Variants in ARHGEF10 observed in about 807,000 individuals in gnomAD.
ARHGEF10 encodes Rho guanine nucleotide exchange factor (GEF) 10.
In ARHGEF10, 140 loss-of-function variants were observed where a neutral mutation model predicts 147.4. The observed-to-expected ratio is 0.95, with a 90% CI of 0.83 to 1.09. The LOEUF is 1.09. Among genes scored for constraint, ARHGEF10 ranks in the 50% least tolerant of loss-of-function variants. ARHGEF10 has a pLI of 0.00. For missense variants in ARHGEF10, 2,222 were observed against 1,752.7 expected (o/e 1.27, Z -4.78); for synonymous variants, 902 against 695.8 (o/e 1.30, Z -4.67).
At chr8:1,843,060 G>C (rs1336592400) in intron 1 of ARHGEF10, among the ~76,000 whole-genome samples, 1 of 152,240 alleles carries the variant, frequency 6.6e-6, no homozygotes, top group Non-Finnish European at 1.5e-5. Flanking sequence ...GTTAAAGCCA[G>C]TGTCATTTTG....
chr8:1,870,226 G>C (rs982735998), intron 7 of ARHGEF10: 23 of 125,084 alleles, frequency 1.8e-4, no homozygotes, highest in Admixed American at 3.4e-4. Flanking sequence ...GGAGGATCTT[G>C]TTACCGATTT....
intron 1 of ARHGEF10, among the ~76,000 whole-genome samples, chr8:1,837,141 A>G (rs1803631969): frequency 6.6e-6 from 1 of 152,262 alleles, no homozygotes; most frequent in Non-Finnish European, 1.5e-5. Context: ...TTTGGAGTTT[A>G]CAGTCTGCCT....
At position 1,866,577 on chromosome 8, in the gene ARHGEF10, C is replaced by A. The variant is rs546927671; in HGVS notation, c.597C>A (p.Asp199Glu). The A allele has an allele frequency of 9.3e-6, 15 of 1,607,594 alleles. No individual in the cohort carries two copies. In the South Asian group the frequency reaches 1.3e-4, roughly 14 times the overall value. The part of the protein sequence containing the change: ...EDSALARWAA[D>E]PANTAWMENP... Reference sequence around the variant, plus strand: ...GCGCACTTGCCCGCTGGGCCGCAGACCCGGCCAACACAGCCTGGATGGAGA... The same window carrying A: ...GCGCACTTGCCCGCTGGGCCGCAGAACCGGCCAACACAGCCTGGATGGAGA... The change falls in exon 6 of 29, where the codon GAC becomes GAA. Residue 199 changes from aspartate to glutamate, a missense_variant. Coordinates refer to ENST00000349830, the MANE Select transcript of ARHGEF10 (RefSeq NM_014629.4).
At chr8:1,890,453 G>A (rs1232282898) in intron 11 of ARHGEF10, among the ~76,000 whole-genome samples, 3 of 148,622 alleles carry the variant, frequency 2.0e-5, no homozygotes. Context: ...GAGACAGTGA[G>A]TGGGGTGAGT....
Position 1,933,796 on chromosome 8 carries a change from T to A in ARHGEF10, c.3080-4T>A. The A allele has an allele frequency of 6.2e-7, 1 of 1,614,208 alleles. No homozygotes were observed. On this transcript the variant is annotated splice_polypyrimidine_tract_variant and splice_region_variant and intron_variant, in intron 25 of 28. Transcript: ENST00000349830. ...TTGAATGAAATGAAATATTTTCTTT[T>A]AAGATGGATCCTGGGATTCAGAACC...
At chr8:1,909,603 C>T in intron 18 of ARHGEF10, 133 bp downstream of exon 18, 1 of 1,244,148 alleles carries the variant, frequency 8.0e-7, no homozygotes. Flanking sequence ...CAGAGGTGAT[C>T]CAGTCTCTAG....
At chr8:1,869,487 G>A in intron 7 of ARHGEF10, 1 of 629,626 alleles carries the variant, frequency 1.6e-6, no homozygotes, top group Non-Finnish European at 2.9e-6. Flanking sequence ...GCAAACAGAG[G>A]AGTAAAGGTA....
intron 17 of ARHGEF10, among the ~76,000 whole-genome samples, chr8:1,906,908 ATG>A (rs1810939809): frequency 6.6e-6 from 1 of 152,178 alleles, no homozygotes; most frequent in African/African-American, 2.4e-5. Flanking sequence ...TCCAAAAAAT[ATG>A]TGAGTCTTTA....
intron 18 of ARHGEF10, among the ~76,000 whole-genome samples, chr8:1,917,596 G>A (rs922550736): frequency 6.6e-6 from 1 of 152,178 alleles, no homozygotes; most frequent in African/African-American, 2.4e-5. Context: ...GGAAACAAGA[G>A]AAGCGTCCGT....
At chr8:1,853,004 G>C (rs1486838708) in intron 2 of ARHGEF10, among the ~76,000 whole-genome samples, 2 of 152,234 alleles carry the variant, frequency 1.3e-5, no homozygotes, top group Non-Finnish European at 2.9e-5. Context: ...GGGCAGGCCA[G>C]AGGAGAGGGG....
rs73538725 is a variant in ARHGEF10, at chr8:1,830,756, C to G, written c.-48+6643C>G. ...AAGCTGCGGAAAGAGAAGGCATACA[C>G]GGGGCTACAAGGTGGAGAAATAAGG... is the stretch of plus-strand genomic sequence containing the variant. On this transcript the variant is annotated intron_variant, in intron 1 of 28. Transcript: ENST00000349830. Among the ~76,000 whole-genome samples the G allele has an allele frequency of 2.4e-3, 370 of 152,214 alleles. 1 individual carries two copies. The highest frequency in any genetic ancestry group is 8.5e-3 in the African/African-American group (354 of 41,542).
At chr8:1,863,087 C>A (rs1806285294) in intron 4 of ARHGEF10, among the ~76,000 whole-genome samples, 2 of 152,128 alleles carry the variant, frequency 1.3e-5, no homozygotes, top group African/African-American at 4.8e-5. Context: ...CCAGCTGGAT[C>A]TTTGGGTGTT....
chr8:1,879,879 GA>G (rs911694148), intron 8 of ARHGEF10, among the ~76,000 whole-genome samples, 168 bp from the exon 9 acceptor site: 2 of 152,070 alleles, frequency 1.3e-5, no homozygotes, highest in African/African-American at 4.8e-5. Flanking sequence ...ATCTCTCAAG[GA>G]CCAACTGGGC....
chr8:1,938,765 A>G (rs1813829754), intron 26 of ARHGEF10, among the ~76,000 whole-genome samples: 1 of 152,142 alleles, frequency 6.6e-6, no homozygotes, highest in African/African-American at 2.4e-5. Context: ...GCGAGACCCT[A>G]TATCTAAACA....
intron 26 of ARHGEF10, among the ~76,000 whole-genome samples, chr8:1,939,935 A>T (rs187453273): frequency 2.5e-4 from 38 of 152,346 alleles, no homozygotes; most frequent in East Asian, 1.5e-3. Context: ...CTTTTGCAGC[A>T]GACGGTGCTG....
At chr8:1,871,818 A>AAAAAC (rs1485181626) in intron 7 of ARHGEF10, among the ~76,000 whole-genome samples, 6 of 152,196 alleles carry the variant, frequency 3.9e-5, no homozygotes, top group African/African-American at 1.4e-4. Flanking sequence ...CTCCCTCTGA[A>AAAAAC]AAAACAAAAC....
intron 2 of ARHGEF10, 85 bp from the exon 3 acceptor site, chr8:1,857,875 G>GATCA (rs35711467): frequency 2.2e-6 from 2 of 918,448 alleles, no homozygotes; most frequent in East Asian, 2.8e-5. Flanking sequence ...AACATAGATC[G>GATCA]ATCGATCTAT....
chr8:1,826,195 G>T (rs978190831), intron 1 of ARHGEF10: 3 of 1,465,572 alleles, frequency 2.0e-6, no homozygotes, highest in African/African-American at 2.8e-5. Context: ...GACAGTTGGG[G>T]GTGAAGTGAA....
chr8:1,930,029 G>C (rs1408003710), intron 25 of ARHGEF10, among the ~76,000 whole-genome samples: 1 of 152,284 alleles, frequency 6.6e-6, no homozygotes, highest in East Asian at 1.9e-4. Flanking sequence ...GTGCTTTGCA[G>C]GCTCTTCCTG....
Sources: gnomAD v4.1 joint callset for allele counts (sites outside exome capture counted in the v4.1 genomes callset) on GRCh38, gnomAD v4.1.1 for gene constraint, MANE v1.5 for transcripts, NCBI Gene and HGNC (gene_info 2026-07-23, HGNC 2026-07-21) for gene names.